The following ZNF331 variants were observed in gnomAD, a reference collection of about 807,000 sequenced individuals.
The protein encoded by ZNF331 is zinc finger protein 331, also known as C2H2-like zinc finger protein rearranged in thyroid adenomas.
In ZNF331, 2 loss-of-function variants were observed where a neutral mutation model predicts 7.0. The ratio of observed to expected loss-of-function variants is 0.29; its 90% confidence interval spans 0.12 to 0.90. ZNF331 has a LOEUF of 0.90. ZNF331 is among the 40% of genes least tolerant of loss of function. The pLI is 0.58. For synonymous variants in ZNF331, 196 were observed against 205.4 expected (o/e 0.95, Z 0.39); for missense variants, 432 against 587.7 (o/e 0.74, Z 2.74).
chr19:53,556,971 CTTTTTTTTTTTTTTTTT>C (rs59869542), intron 3 of ZNF331, among the ~76,000 whole-genome samples: 926 of 69,642 alleles, frequency 0.013, 11 homozygotes, highest in Non-Finnish European at 0.016. Context: ...ACACCTGGCT[CTTTTTTTTTTTTTTTTT>C]TTTTTTTTTT....
At chr19:53,519,601 C>T (rs1283614529), upstream of ZNF331, among the ~76,000 whole-genome samples, 2 of 152,238 alleles carry the variant, frequency 1.3e-5, no homozygotes, top group Non-Finnish European at 2.9e-5. Context: ...TGTCAATATC[C>T]TGCCGGGCAG....
In ZNF331 at chr19:53,578,540, C is replaced by T. The variant is rs911253339; in HGVS notation, c.*588C>T. On this transcript the variant is annotated 3_prime_UTR_variant, in exon 6 of 6. Transcript: ENST00000449416. The stretch of plus-strand genomic sequence containing the variant: ...TACTGTTGGTAATCTCTTACTGTGC[C>T]TAATTTATAAATTAAACTTTAGATA... The T allele has an allele frequency of 2.8e-5, 6 of 216,054 alleles. No individual in the cohort carries two copies. The highest frequency in any genetic ancestry group is 1.4e-4 in the African/African-American group (6 of 44,220). The allele number at this position is 216,054 out of a possible 1,614,324, so 13.4% of individuals were successfully genotyped here.
intron 2 of ZNF331, among the ~76,000 whole-genome samples, chr19:53,527,242 T>TA (rs1672218464): frequency 6.6e-6 from 1 of 151,934 alleles, no homozygotes; most frequent in South Asian, 2.1e-4. Flanking sequence ...TTACTCAAGG[T>TA]AAAAAAATCA....
intron 2 of ZNF331, among the ~76,000 whole-genome samples, chr19:53,548,961 C>G (rs1568490117): frequency 2.0e-5 from 3 of 151,856 alleles, no homozygotes; most frequent in South Asian, 4.2e-4. Flanking sequence ...GATTTCTCCT[C>G]CCTCAGCCTC....
At position 53,571,599 on chromosome 19, in the gene ZNF331, T is replaced by C. The variant is rs1568539814; in HGVS notation, c.10-5T>C. ...TCATCATGCACGTGTGGGTTTCTGT[T>C]TCAGGGTTTGGTGACGTTCGCCGAC... On this transcript the variant is annotated splice_polypyrimidine_tract_variant and splice_region_variant and intron_variant, in intron 4 of 5. Transcript: ENST00000449416. This position sits in a 1 kb window ranked among gnomAD's most constrained non-coding sequence, Gnocchi z 4.7. 1 of 1,613,246 alleles carries C rather than the reference T, an allele frequency of 6.2e-7. No individual in the cohort carries two copies. The highest frequency in any genetic ancestry group is 1.1e-5 in the South Asian group (1 of 90,988).
intron 2 of ZNF331, among the ~76,000 whole-genome samples, chr19:53,551,444 C>T (rs2089003512): frequency 1.3e-5 from 2 of 152,158 alleles, no homozygotes; most frequent in Non-Finnish European, 2.9e-5. Context: ...CCACGGGTCA[C>T]GTTATACCTG....
At chr19:53,551,052 C>T (rs1172205221) in intron 2 of ZNF331, among the ~76,000 whole-genome samples, 1 of 150,174 alleles carries the variant, frequency 6.7e-6, no homozygotes. Context: ...AGGCTGGTGT[C>T]GAACTCCTGA....
Position 53,577,271 on chromosome 19 carries a change from C to T in ZNF331, c.711C>T (p.His237=), listed in dbSNP as rs138399640. The T allele has an allele frequency of 5.5e-4, 888 of 1,613,728 alleles. No individual in the cohort carries two copies. Among genetic ancestry groups the T allele is most frequent in the Non-Finnish European group, 7.2e-4 (850 of 1,179,952 alleles). Residue 237 remains histidine (H), a synonymous_variant, in exon 6 of 6, where the codon CAC becomes CAT. Transcript: ENST00000449416. ...AGCTCACTCAGCACCAGAGATTCCA[C>T]ACTGGGGAGAAAGACTACGAATGCA... ...GDELTQHQRF[H]TGEKDYECKD... is the part of the protein sequence containing the mutation.
Position 53,545,913 on chromosome 19 carries a change from G to A in ZNF331, c.-138+6631G>A, listed in dbSNP as rs115167932. Among the ~76,000 whole-genome samples the A allele has an allele frequency of 2.7e-3, 407 of 152,100 alleles. 4 individuals are homozygous for A. Among genetic ancestry groups the A allele is most frequent in the African/African-American group, 9.1e-3 (379 of 41,516 alleles). On this transcript the variant is annotated intron_variant, in intron 2 of 5. Transcript: ENST00000449416. ...GTGACTAACTTGGTAGGTGAGTGTC[G>A]GGAGCATCACGTGTTCTAGAATCCA...
chr19:53,531,679 A>G (rs1165813807), intron 2 of ZNF331, among the ~76,000 whole-genome samples: 1 of 152,218 alleles, frequency 6.6e-6, no homozygotes, highest in Non-Finnish European at 1.5e-5. Flanking sequence ...CTGTGTCATC[A>G]AAGGCATAAA....
At chr19:53,520,578 TG>T (rs200345690), upstream of ZNF331, among the ~76,000 whole-genome samples, 4 of 152,142 alleles carry the variant, frequency 2.6e-5, no homozygotes, top group African/African-American at 9.7e-5. Context: ...CAGAAGTCTA[TG>T]GGGGGTGCAG....
chr19:53,505,129 T>A, the ZNF331 span, among the ~76,000 whole-genome samples: 1 of 152,178 alleles, frequency 6.6e-6, no homozygotes, highest in East Asian at 1.9e-4. Context: ...ACGAGGCTTG[T>A]TAGTGCTGTG....
chr19:53,510,330 G>A, the ZNF331 span, among the ~76,000 whole-genome samples: 55 of 152,120 alleles, frequency 3.6e-4, no homozygotes, highest in Admixed American at 1.1e-3. Context: ...CAGTAAAAAT[G>A]GCAGATTAGG....
the ZNF331 span, among the ~76,000 whole-genome samples, chr19:53,514,072 T>C: frequency 6.6e-6 from 1 of 152,250 alleles, no homozygotes; most frequent in Non-Finnish European, 1.5e-5. Flanking sequence ...AAGTTATATT[T>C]CACAGCTCCC....
chr19:53,531,943 ATTG>A (rs1302405435), intron 2 of ZNF331, among the ~76,000 whole-genome samples: 1 of 152,026 alleles, frequency 6.6e-6, no homozygotes, highest in Admixed American at 6.6e-5. Flanking sequence ...TATTCGGATT[ATTG>A]TTGTTTTGTT....
At chr19:53,562,021 G>A (rs1195445546) in intron 3 of ZNF331, among the ~76,000 whole-genome samples, 5 of 152,074 alleles carry the variant, frequency 3.3e-5, no homozygotes, top group Admixed American at 6.6e-5. Flanking sequence ...GGTGGCGCGC[G>A]CCTGTAATCC....
intron 2 of ZNF331, among the ~76,000 whole-genome samples, chr19:53,547,967 T>A (rs1184361698): frequency 6.6e-6 from 1 of 152,174 alleles, no homozygotes; most frequent in Non-Finnish European, 1.5e-5. Context: ...TCTTGCTCTG[T>A]CATCCAGGCT....
intron 3 of ZNF331, among the ~76,000 whole-genome samples, chr19:53,559,736 CATAT>C (rs753595736): frequency 5.0e-5 from 3 of 60,556 alleles, no homozygotes; most frequent in African/African-American, 1.3e-4. Context: ...CATATATACA[CATAT>C]ACACCATACG....
intron 2 of ZNF331, among the ~76,000 whole-genome samples, chr19:53,523,832 G>A (rs1038667056): frequency 5.3e-5 from 8 of 151,948 alleles, no homozygotes; most frequent in Non-Finnish European, 1.2e-4. Flanking sequence ...TAATCCATAG[G>A]TATACATGTG....
Sources: gnomAD v4.1 joint callset for allele counts (sites outside exome capture counted in the v4.1 genomes callset) on GRCh38, gnomAD v4.1.1 for gene constraint, Gnocchi (gnomAD v3.1) non-coding constraint, MANE v1.5 for transcripts, NCBI Gene and HGNC (gene_info 2026-07-23, HGNC 2026-07-21) for gene names.